Variants in P2RY14 observed in about 807,000 individuals in gnomAD.
P2RY14 encodes the protein P2Y purinoceptor 14.
In P2RY14, 2 loss-of-function variants were observed where a neutral mutation model predicts 0.9. The observed-to-expected ratio is 2.16, with a 90% confidence interval of 0.88 to 6.79. P2RY14 has a LOEUF of 6.79. Among genes scored for constraint, P2RY14 ranks in the 30% most tolerant of loss-of-function variants. P2RY14 has a pLI of 0.05. For missense variants in P2RY14, 378 were observed against 400.1 expected (o/e 0.94, Z 0.47); for synonymous variants, 158 against 147.2 (o/e 1.07, Z -0.53).
intron 2 of P2RY14, among the ~76,000 whole-genome samples, chr3:151,218,158 T>G (rs1202595494): frequency 1.3e-5 from 2 of 152,198 alleles, no homozygotes; most frequent in South Asian, 2.1e-4. Context: ...CATGCTGATT[T>G]TATACAAAAA....
In P2RY14 at chr3:151,274,907, A is replaced by G. The variant is rs141319585; in HGVS notation, c.-133+3380T>C. 3.3e-5 allele frequency among the ~76,000 whole-genome samples: 5 copies of G among 152,318 alleles called. No individual in the cohort carries two copies. In the East Asian group the frequency reaches 9.6e-4, roughly 29 times the overall value. The stretch of plus-strand genomic sequence containing the variant: ...TGTAAGGAATCAGTGTTGAATGAAT[A>G]AATGGCCAAAATATCCCTAGAGTGA... On this transcript the variant is annotated intron_variant, in intron 1 of 2. Transcript: ENST00000309170.
intron 1 of P2RY14, among the ~76,000 whole-genome samples, chr3:151,236,853 AC>A (rs1732922886): frequency 6.6e-6 from 1 of 152,062 alleles, no homozygotes; most frequent in Admixed American, 6.6e-5. Flanking sequence ...CTGCTGTGTG[AC>A]CATATCATAG....
intron 1 of P2RY14, among the ~76,000 whole-genome samples, chr3:151,267,980 A>G (rs943627779): frequency 6.6e-6 from 1 of 152,220 alleles, no homozygotes; most frequent in Non-Finnish European, 1.5e-5. Context: ...TCCAAATGCC[A>G]GTAAAATGGA....
chr3:151,257,769 A>G (rs1184253371), intron 1 of P2RY14, among the ~76,000 whole-genome samples: 1 of 152,070 alleles, frequency 6.6e-6, no homozygotes, highest in Non-Finnish European at 1.5e-5. Context: ...TCTCACAACA[A>G]TTTTCCTCTG....
intron 1 of P2RY14, among the ~76,000 whole-genome samples, chr3:151,247,774 C>CAA (rs149547852): frequency 3.7e-4 from 53 of 142,064 alleles, no homozygotes; most frequent in African/African-American, 7.7e-4. Flanking sequence ...AAAAAAAAAG[C>CAA]AAAAAAAAAA....
intron 1 of P2RY14, among the ~76,000 whole-genome samples, chr3:151,234,417 A>G (rs1732318650): frequency 6.6e-6 from 1 of 152,250 alleles, no homozygotes; most frequent in African/African-American, 2.4e-5. Flanking sequence ...AATCGAGGTC[A>G]TTGCCAGTTT....
At chr3:151,271,738 C>T (rs563873223) in intron 1 of P2RY14, among the ~76,000 whole-genome samples, 1 of 152,188 alleles carries the variant, frequency 6.6e-6, no homozygotes, top group East Asian at 1.9e-4. Flanking sequence ...AGTTAAATCT[C>T]AAAACATGTT....
chr3:151,230,643 T>A (rs1731484838), intron 1 of P2RY14, among the ~76,000 whole-genome samples: 1 of 152,058 alleles, frequency 6.6e-6, no homozygotes, highest in Admixed American at 6.5e-5. Flanking sequence ...ATTGCTTTTC[T>A]CTTTTCTATT....
At chr3:151,240,276 T>C (rs1577077969) in intron 1 of P2RY14, among the ~76,000 whole-genome samples, 1 of 152,210 alleles carries the variant, frequency 6.6e-6, no homozygotes, top group Non-Finnish European at 1.5e-5. Context: ...GGCAGGTAAA[T>C]TGGGAGAGGT....
chr3:151,254,264 T>C (rs932266171), intron 1 of P2RY14, among the ~76,000 whole-genome samples: 2 of 152,196 alleles, frequency 1.3e-5, no homozygotes, highest in Non-Finnish European at 2.9e-5. Context: ...TGTGCACGTT[T>C]CCCTTTACCA....
chr3:151,237,676 C>A (rs894712727), intron 1 of P2RY14, among the ~76,000 whole-genome samples: 5 of 152,082 alleles, frequency 3.3e-5, no homozygotes, highest in Non-Finnish European at 7.4e-5. Context: ...AAAGAAGTTA[C>A]ACTAGTTTAT....
In P2RY14 at chr3:151,221,031, G is replaced by A. The variant is rs908025645; in HGVS notation, c.-132-1389C>T. 3.9e-5 allele frequency among the ~76,000 whole-genome samples: 6 copies of A among 152,224 alleles called. No homozygotes were observed. In the East Asian group the frequency reaches 5.8e-4, roughly 15 times the overall value. ...TATGGACGATAAAGTCCAGGGTGAG[G>A]TGGTCTCAGATGGAAATGAGGAACT... On this transcript the variant is annotated intron_variant, in intron 1 of 2. Coordinates refer to ENST00000309170, the MANE Select transcript of P2RY14 (RefSeq NM_014879.4).
At chr3:151,271,968 CT>C (rs1741034995) in intron 1 of P2RY14, among the ~76,000 whole-genome samples, 1 of 152,142 alleles carries the variant, frequency 6.6e-6, no homozygotes, top group African/African-American at 2.4e-5. Context: ...CACTTAAAAT[CT>C]AATTTTCATT....
Position 151,213,810 on chromosome 3 carries a change from T to G in P2RY14, c.507A>C (p.Gln169His). The G allele has an allele frequency of 6.2e-7, 1 of 1,614,178 alleles. No homozygotes were observed. The highest frequency in any genetic ancestry group is 8.5e-7 in the Non-Finnish European group (1 of 1,180,038). ...CACTTTTCAGTTCTATACATTTTAT[T>G]TGTGTAACCTCCCTAACACTCTGGT... ...LTNQSVREVTQIKCIELKSEL... is the reference protein window; with the variant it reads ...LTNQSVREVTHIKCIELKSEL... Residue 169 changes from glutamine (Q) to histidine (H), a missense_variant, in exon 3 of 3, where the codon CAA (glutamine) becomes CAC (histidine). Transcript: ENST00000309170.
chr3:151,261,627 C>T (rs1232431684), intron 1 of P2RY14, among the ~76,000 whole-genome samples: 3 of 152,102 alleles, frequency 2.0e-5, no homozygotes, highest in African/African-American at 7.2e-5. Context: ...TTACCCAAGA[C>T]TCCCAGACAC....
At chr3:151,230,276 G>C (rs938500893) in intron 1 of P2RY14, among the ~76,000 whole-genome samples, 7 of 152,196 alleles carry the variant, frequency 4.6e-5, no homozygotes, top group Non-Finnish European at 8.8e-5. Context: ...ACCCGGCCGG[G>C]ATCTGTTCTT....
chr3:151,221,265 A>G (rs6786015), intron 1 of P2RY14, among the ~76,000 whole-genome samples: 1,824 of 152,344 alleles, frequency 0.012, 37 homozygotes, highest in African/African-American at 0.042. Context: ...AGCAGAGCTT[A>G]AAAGTTCAGA....
At chr3:151,225,497 T>TAG (rs2149291837) in intron 1 of P2RY14, among the ~76,000 whole-genome samples, 1 of 152,294 alleles carries the variant, frequency 6.6e-6, no homozygotes, top group African/African-American at 2.4e-5. Flanking sequence ...ATTAATTTGC[T>TAG]CACGAGGCCT....
At chr3:151,220,653 G>T (rs1729163420) in intron 1 of P2RY14, among the ~76,000 whole-genome samples, 2 of 152,198 alleles carry the variant, frequency 1.3e-5, no homozygotes, top group South Asian at 4.1e-4. Flanking sequence ...CCCTGCACAA[G>T]CTCTCTTCTC....
Sources: gnomAD v4.1 joint callset for allele counts (sites outside exome capture counted in the v4.1 genomes callset) on GRCh38, gnomAD v4.1.1 for gene constraint, MANE v1.5 for transcripts, NCBI Gene and HGNC (gene_info 2026-07-23, HGNC 2026-07-21) for gene names.